FANCA: variants seen among roughly 807,000 people sequenced by gnomAD.
FANCA encodes FA complementation group A.
A neutral mutation model predicts 194.3 loss-of-function variants in FANCA; 236 were observed. The ratio of observed to expected loss-of-function variants is 1.21; its 90% CI spans 1.09 to 1.35. The LOEUF (loss-of-function observed/expected upper bound fraction) is 1.35. Among genes scored for constraint, FANCA ranks in the 40% most tolerant of loss-of-function variants. FANCA has a pLI of 0.00. For missense variants in FANCA, 2,628 were observed against 1,813.9 expected, an observed-to-expected ratio of 1.45 and a Z score of -8.15; for synonymous variants, 1,014 against 715.8, an observed-to-expected ratio of 1.42 and a Z score of -6.65.
intron 17 of FANCA, among the ~76,000 whole-genome samples, chr16:89,781,205 A>G (rs1404830054): frequency 6.6e-6 from 1 of 151,038 alleles, no homozygotes; most frequent in Non-Finnish European, 1.5e-5. Flanking sequence ...TCTACTAAAA[A>G]CACACAAAAT....
In FANCA at chr16:89,738,258, A is replaced by G. The variant is rs750033857; in HGVS notation, c.*343T>C. The stretch of plus-strand genomic sequence containing the variant: ...CCGAACCCACCTGAGGACGGCAGTG[A>G]GGATGAGCACCTCTAGCAGCCTGGA... On this transcript the variant is annotated 3_prime_UTR_variant, in exon 43 of 43. Transcript: ENST00000389301. The G allele has an allele frequency of 4.4e-6, 7 of 1,587,982 alleles. No individual in the cohort carries two copies. Among genetic ancestry groups the G allele is most frequent in the Non-Finnish European group, 6.0e-6 (7 of 1,168,206 alleles).
chr16:89,748,569 C>A (rs1001352736), intron 33 of FANCA, 90 bp downstream of exon 33: 5 of 995,888 alleles, frequency 5.0e-6, no homozygotes, highest in East Asian at 2.5e-5. Context: ...GTAATTCACA[C>A]GGTCAGTACA....
At chr16:89,759,566 G>A (rs2038880224) in intron 29 of FANCA, among the ~76,000 whole-genome samples, 3 of 151,956 alleles carry the variant, frequency 2.0e-5, no homozygotes, top group South Asian at 4.2e-4. Context: ...TCTGACATCA[G>A]CCTGAGCAAC....
At chr16:89,781,569 G>C (rs1469177668) in intron 17 of FANCA, among the ~76,000 whole-genome samples, 1 of 150,620 alleles carries the variant, frequency 6.6e-6, no homozygotes, top group Non-Finnish European at 1.5e-5. Context: ...TGAGCTACTG[G>C]AGAGGCTGAG....
At chr16:89,809,184 G>A (rs538833937) in intron 5 of FANCA, among the ~76,000 whole-genome samples, 1 of 151,956 alleles carries the variant, frequency 6.6e-6, no homozygotes, top group African/African-American at 2.4e-5. Flanking sequence ...GGGATTACAG[G>A]TGTGAGCCAC....
intron 28 of FANCA, 97 bp downstream of exon 28, chr16:89,764,793 G>A (rs2039068669): frequency 1.4e-6 from 2 of 1,410,802 alleles, no homozygotes; most frequent in Non-Finnish European, 2.0e-6. Flanking sequence ...GCAGGGGAAG[G>A]AACGGTCACC....
chr16:89,738,550 G>C lies in FANCA; in HGVS notation c.*51C>G, dbSNP rs1168504961. 1.9e-6 allele frequency: 3 copies of C among 1,611,528 alleles called. No homozygotes were observed. In the Admixed American group the frequency reaches 5.0e-5, roughly 27 times the overall value. ...GCAACAAGAGCTCCATGTTATGCTTGTAATAAATTATTTACACGGGAGCTG... is the reference window on the plus strand; with the variant it reads ...GCAACAAGAGCTCCATGTTATGCTTCTAATAAATTATTTACACGGGAGCTG... On this transcript the variant is annotated 3_prime_UTR_variant, in exon 43 of 43. Transcript: ENST00000389301.
chr16:89,801,121 G>A (rs1016559245), intron 8 of FANCA, among the ~76,000 whole-genome samples: 7 of 151,296 alleles, frequency 4.6e-5, no homozygotes, highest in East Asian at 1.9e-4. Context: ...CAAGGTGGGC[G>A]GGTCATGAGA....
At chr16:89,748,855 C>T (rs2143129390) in intron 32 of FANCA, 88 bp from the exon 33 acceptor site, 1 of 1,077,328 alleles carries the variant, frequency 9.3e-7, no homozygotes, top group Non-Finnish European at 1.4e-6. Flanking sequence ...CAGCAACCAC[C>T]ACCCTGAAAC....
Position 89,803,135 on chromosome 16 carries a change from T to C in FANCA, c.792+124A>G, listed in dbSNP as rs1035384542. ...TTACACTCTATGCACAAAACAAGTA[T>C]CACATGTACCCCGTAAATAGGTACA... On this transcript the variant is annotated intron_variant, in intron 8 of 42. Transcript: ENST00000389301. 1.0e-4 allele frequency: 94 copies of C among 934,538 alleles called. No individual in the cohort carries two copies. The South Asian group carries it at 1.2e-3, about 12-fold the overall frequency. The allele number at this position is 934,538 out of a possible 1,614,324, so 57.9% of individuals were successfully genotyped here.
chr16:89,784,307 G>C (rs1369717227), intron 15 of FANCA, among the ~76,000 whole-genome samples: 1 of 150,932 alleles, frequency 6.6e-6, no homozygotes, highest in Non-Finnish European at 1.5e-5. Flanking sequence ...GGAGGTCTAG[G>C]CTACAGTGAG....
chr16:89,810,958 G>C lies in FANCA; in HGVS notation c.397C>G (p.His133Asp). 6.2e-7 allele frequency: 1 copy of C among 1,614,128 alleles called. No homozygotes were observed. Among genetic ancestry groups the C allele is most frequent in the Non-Finnish European group, 8.5e-7 (1 of 1,180,048 alleles). Residue 133 changes from histidine (H) to aspartate (D), a missense_variant, in exon 4 of 43, where the codon CAC (histidine) becomes GAC (aspartate). Coordinates refer to ENST00000389301, the MANE Select transcript of FANCA (RefSeq NM_000135.4). ...QICTAPAETS[H>D]PVLLTVEQRK... ...TGCTCCACAGTCAGCAGCACAGGGT[G>C]ACTGGTCTCCGCTGGAGCCGTGCAG...
At position 89,783,086 on chromosome 16, in the gene FANCA, G is replaced by C. The variant is rs1168168696; in HGVS notation, c.1487C>G (p.Pro496Arg). 6.2e-7 allele frequency: 1 copy of C among 1,613,436 alleles called. No individual in the cohort carries two copies. The highest frequency in any genetic ancestry group is 8.5e-7 in the Non-Finnish European group (1 of 1,179,606). The change falls in exon 16 of 43, where the codon CCA becomes CGA. Residue 496 changes from proline (P) to arginine (R), a missense_variant. Transcript: ENST00000389301. ...GCGGTACTTGCCGGGAACCAGGGGT[G>C]GGTGGAGAATGTGCACCTGAGGATA... ...PRYLQVHILH[P>R]PLVPGKYRSL...
chr16:89,750,493 AAAC>A (rs983196606), intron 31 of FANCA, among the ~76,000 whole-genome samples: 40 of 99,346 alleles, frequency 4.0e-4, no homozygotes, highest in Non-Finnish European at 8.1e-4. Flanking sequence ...AAAAAAAAAC[AAAC>A]AAAAAAAAAC....
At chr16:89,786,326 G>A (rs1344878173) in intron 14 of FANCA, among the ~76,000 whole-genome samples, 1 of 152,182 alleles carries the variant, frequency 6.6e-6, no homozygotes, top group African/African-American at 2.4e-5. Flanking sequence ...TGGGATTACA[G>A]GTGTGCACCA....
intron 5 of FANCA, among the ~76,000 whole-genome samples, chr16:89,809,351 G>A (rs78795209): frequency 2.4e-4 from 37 of 152,266 alleles, no homozygotes; most frequent in African/African-American, 7.5e-4. Flanking sequence ...CCCAAGCTAC[G>A]TGATAATGAG....
chr16:89,782,307 T>G (rs892030273), intron 17 of FANCA, among the ~76,000 whole-genome samples: 2 of 151,124 alleles, frequency 1.3e-5, no homozygotes, highest in African/African-American at 2.4e-5. Context: ...GTCAGGAGAT[T>G]GAGACCATTC....
chr16:89,787,257 C>T (rs1394800496), intron 14 of FANCA, among the ~76,000 whole-genome samples: 1 of 152,174 alleles, frequency 6.6e-6, no homozygotes, highest in East Asian at 1.9e-4. Context: ...GGCGCGGTGG[C>T]TAGCGCCTGT....
intron 40 of FANCA, 34 bp from the exon 41 acceptor site, chr16:89,739,323 G>T: frequency 6.2e-7 from 1 of 1,613,398 alleles, no homozygotes; most frequent in Non-Finnish European, 8.5e-7. Flanking sequence ...AATGGCTACA[G>T]ACTGCTGGAA....
Sources: allele counts gnomAD v4.1 joint callset (sites outside exome capture counted in the v4.1 genomes callset), GRCh38; gene constraint gnomAD v4.1.1; transcripts MANE v1.5; gene names NCBI Gene and HGNC (gene_info 2026-07-23, HGNC 2026-07-21).